Variants in HS3ST2 observed in about 807,000 individuals in gnomAD.
HS3ST2 encodes the protein heparan sulfate glucosamine 3-O-sulfotransferase 2.
Under a neutral mutation model 26.3 loss-of-function variants are expected in HS3ST2, and 17 were observed. The observed-to-expected ratio is 0.65, with a 90% CI of 0.44 to 0.97. The LOEUF (loss-of-function observed/expected upper bound fraction) is 0.97. Ranked by LOEUF, HS3ST2 falls within the 50% of genes least tolerant of loss-of-function variation. The probability of loss-of-function intolerance (pLI) is 0.00; values close to 1 mark genes in which losing one functional copy is unlikely to be tolerated. For missense variants in HS3ST2, 402 were observed against 501.2 expected (o/e 0.80, Z 1.89); for synonymous variants, 237 against 219.2 (o/e 1.08, Z -0.72).
At chr16:22,846,422 T>G (rs1567486386) in intron 1 of HS3ST2, among the ~76,000 whole-genome samples, 1 of 152,218 alleles carries the variant, frequency 6.6e-6, no homozygotes, top group African/African-American at 2.4e-5. Context: ...GTTATATTCC[T>G]GGTCTTATTT....
chr16:22,883,602 G>A (rs1407985707), intron 1 of HS3ST2, among the ~76,000 whole-genome samples: 2 of 152,024 alleles, frequency 1.3e-5, no homozygotes, highest in Non-Finnish European at 2.9e-5. Flanking sequence ...TGTTTTTTGT[G>A]GTTTTTTGGA....
chr16:22,856,227 C>T (rs1901591970), intron 1 of HS3ST2, among the ~76,000 whole-genome samples: 1 of 152,174 alleles, frequency 6.6e-6, no homozygotes, highest in Non-Finnish European at 1.5e-5. Flanking sequence ...GCCCAAGTTA[C>T]ATCATAGACA....
chr16:22,825,332 A>G (rs1262107790), intron 1 of HS3ST2, among the ~76,000 whole-genome samples: 1 of 152,222 alleles, frequency 6.6e-6, no homozygotes, highest in South Asian at 2.1e-4. Flanking sequence ...GTTAGTTGTC[A>G]TTATTGGCCA....
chr16:22,901,107 C>T (rs1902277255), intron 1 of HS3ST2, among the ~76,000 whole-genome samples: 1 of 152,136 alleles, frequency 6.6e-6, no homozygotes, highest in South Asian at 2.1e-4. Context: ...TTTGACCTCA[C>T]AACAGCCAAG....
chr16:22,890,741 A>G (rs1902116120), intron 1 of HS3ST2, among the ~76,000 whole-genome samples: 4 of 152,246 alleles, frequency 2.6e-5, no homozygotes, highest in Admixed American at 2.0e-4. Flanking sequence ...GTGGGCAAGT[A>G]GAATTAGAAA....
intron 1 of HS3ST2, among the ~76,000 whole-genome samples, chr16:22,880,969 T>A (rs1901982686): frequency 6.6e-6 from 1 of 152,236 alleles, no homozygotes; most frequent in Non-Finnish European, 1.5e-5. Context: ...CTGGATGGGC[T>A]TGAGACTAGA....
intron 1 of HS3ST2, among the ~76,000 whole-genome samples, chr16:22,900,684 AG>A (rs1426130555): frequency 6.6e-6 from 1 of 152,034 alleles, no homozygotes; most frequent in Non-Finnish European, 1.5e-5. Flanking sequence ...AGGGGCGGGG[AG>A]GAAGAAAGAA....
chr16:22,911,592 C>T (rs79034372), intron 1 of HS3ST2, among the ~76,000 whole-genome samples: 2,560 of 152,306 alleles, frequency 0.017, 64 homozygotes, highest in African/African-American at 0.055. Flanking sequence ...TGCCTCTCTC[C>T]TAGCTTCCGG....
chr16:22,828,118 C>G (rs1444566713), intron 1 of HS3ST2, among the ~76,000 whole-genome samples: 1 of 152,168 alleles, frequency 6.6e-6, no homozygotes, highest in African/African-American at 2.4e-5. Context: ...CTGGTCCTGT[C>G]TATCATAGAC....
intron 1 of HS3ST2, among the ~76,000 whole-genome samples, chr16:22,832,266 G>A (rs1901182577): frequency 1.3e-5 from 2 of 151,656 alleles, no homozygotes; most frequent in African/African-American, 4.8e-5. Context: ...CAAAGTGCTA[G>A]GATCACAGGC....
intron 1 of HS3ST2, among the ~76,000 whole-genome samples, chr16:22,838,016 A>G (rs556119124): frequency 1.3e-5 from 2 of 151,356 alleles, no homozygotes; most frequent in Admixed American, 6.5e-5. Flanking sequence ...AAATTGTTCT[A>G]TGTAAGTGAA....
At position 22,829,626 on chromosome 16, in the gene HS3ST2, G is replaced by T. The variant is rs143028398; in HGVS notation, c.485+14531G>T. 6.3e-3 allele frequency among the ~76,000 whole-genome samples: 957 copies of T among 152,202 alleles called. 17 individuals carry two copies. The highest frequency in any genetic ancestry group is 0.022 in the African/African-American group (907 of 41,518). On this transcript the variant is annotated intron_variant, in intron 1 of 1. Transcript: ENST00000261374. ...GTGGGCTGGATGGGACCTACAATCT[G>T]CCCTCTTATGACTCTGGGAAGGTAG...
rs192353926 is a variant in HS3ST2 at position 22,820,136 on chromosome 16, C to T, written c.485+5041C>T. Reference sequence around the variant, plus strand: ...TGTCTTGGTCCAGGCGAACGTCACACAGTATGATTAAATGAAACCATTGAG... The same window carrying T: ...TGTCTTGGTCCAGGCGAACGTCACATAGTATGATTAAATGAAACCATTGAG... On this transcript the variant is annotated intron_variant, in intron 1 of 1. Coordinates refer to ENST00000261374, the MANE Select transcript of HS3ST2 (RefSeq NM_006043.2). 5.3e-5 allele frequency among the ~76,000 whole-genome samples: 8 copies of T among 152,278 alleles called. 1 individual carries two copies. In the East Asian group the frequency reaches 5.8e-4, roughly 11 times the overall value.
intron 1 of HS3ST2, among the ~76,000 whole-genome samples, chr16:22,863,583 A>G (rs1901708968): frequency 6.6e-6 from 1 of 152,060 alleles, no homozygotes; most frequent in African/African-American, 2.4e-5. Context: ...CTTGCCCCCA[A>G]CCCTGGTTTG....
intron 1 of HS3ST2, among the ~76,000 whole-genome samples, chr16:22,906,029 A>C (rs937399481): frequency 6.6e-6 from 1 of 152,144 alleles, no homozygotes; most frequent in African/African-American, 2.4e-5. Context: ...AGTCTGCCAC[A>C]GTGGTTCTAA....
intron 1 of HS3ST2, among the ~76,000 whole-genome samples, chr16:22,884,131 A>C (rs1218176268): frequency 6.6e-6 from 1 of 152,220 alleles, no homozygotes; most frequent in East Asian, 1.9e-4. Context: ...ACTGGAATTC[A>C]CTTGTAAATA....
At chr16:22,901,961 A>G (rs1902287108) in intron 1 of HS3ST2, among the ~76,000 whole-genome samples, 1 of 152,246 alleles carries the variant, frequency 6.6e-6, no homozygotes, top group Non-Finnish European at 1.5e-5. Context: ...GAATGCAAAA[A>G]GCTAAAGGTG....
At chr16:22,846,268 C>T (rs1241981865) in intron 1 of HS3ST2, among the ~76,000 whole-genome samples, 1 of 136,778 alleles carries the variant, frequency 7.3e-6, no homozygotes, top group Non-Finnish European at 1.6e-5. Flanking sequence ...CAGAGTGAGA[C>T]TCGATTTAAA....
At chr16:22,825,055 G>A (rs995344271) in intron 1 of HS3ST2, among the ~76,000 whole-genome samples, 1 of 152,162 alleles carries the variant, frequency 6.6e-6, no homozygotes, top group Non-Finnish European at 1.5e-5. Context: ...TGGAGATAAA[G>A]TTGCAGAAAC....
Sources: allele counts gnomAD v4.1 joint callset (sites outside exome capture counted in the v4.1 genomes callset), GRCh38; gene constraint gnomAD v4.1.1; transcripts MANE v1.5; gene names NCBI Gene and HGNC (gene_info 2026-07-23, HGNC 2026-07-21).